Variants in DENND3 observed in about 807,000 individuals in gnomAD.
The protein encoded by DENND3 is DENN domain-containing protein 3.
In DENND3, 88 loss-of-function variants were observed where a neutral mutation model predicts 135.1. The ratio of observed to expected loss-of-function variants is 0.65; its 90% CI spans 0.55 to 0.78. The LOEUF (loss-of-function observed/expected upper bound fraction) is 0.78. Among genes scored for constraint, DENND3 ranks in the 30% least tolerant of loss-of-function variants. The pLI, the probability that DENND3 is intolerant of heterozygous loss-of-function variation, is 0.00. For missense variants in DENND3, 1,392 were observed against 1,688.4 expected (o/e 0.82, Z 3.08); for synonymous variants, 693 against 712.3 (o/e 0.97, Z 0.43).
At chr8:141,192,217 G>A (rs535093551) in intron 20 of DENND3, 114 bp from the exon 21 acceptor site, 77 of 1,445,294 alleles carry the variant, frequency 5.3e-5, no homozygotes, top group Non-Finnish European at 6.6e-5. Context: ...CAGGTGGCAC[G>A]TGGTGATCCC....
At position 141,154,726 on chromosome 8, in the gene DENND3, G is replaced by T. The variant is rs539317456; in HGVS notation, c.1075-1123G>T. On this transcript the variant is annotated intron_variant, in intron 7 of 22. Transcript: ENST00000519811. This position sits in a 1 kb window ranked among gnomAD's most constrained non-coding sequence, Gnocchi z 4.4. ...TGCAGGCACACGCCACCATGCCTGG[G>T]TAATTTTTGTATTTTTAGTAGAGAC... Among the ~76,000 whole-genome samples, 79 of 151,928 alleles carry T rather than the reference G, an allele frequency of 5.2e-4. No homozygotes were observed. The highest frequency in any genetic ancestry group is 1.7e-3 in the African/African-American group (72 of 41,424).
At chr8:141,190,240 A>T (rs1267349720) in intron 19 of DENND3, 44 bp from the exon 20 acceptor site, 2 of 1,510,392 alleles carry the variant, frequency 1.3e-6, no homozygotes, top group Non-Finnish European at 1.8e-6. Flanking sequence ...CAGTGTTTTC[A>T]GGGGCCCAAG....
intron 10 of DENND3, among the ~76,000 whole-genome samples, chr8:141,164,762 G>A (rs1720539458): frequency 6.6e-6 from 1 of 152,204 alleles, no homozygotes; most frequent in Admixed American, 6.5e-5. Context: ...CAGCCTCTGT[G>A]AGCTCCCTCC....
At chr8:141,173,095 G>A (rs1022880570) in intron 13 of DENND3, among the ~76,000 whole-genome samples, 2 of 146,984 alleles carry the variant, frequency 1.4e-5, no homozygotes, top group African/African-American at 5.0e-5. Context: ...GGGAGACTCT[G>A]GCAAACAATC....
rs1172740702 is a variant in DENND3, at chr8:141,163,503, A to C, written c.1449+74A>C. The C allele has an allele frequency of 5.6e-6, 6 of 1,061,954 alleles. No individual in the cohort carries two copies. The Admixed American group carries it at 1.3e-4, about 22-fold the overall frequency. 65.8% of individuals were successfully genotyped at this position (1,061,954 alleles called of 1,614,324 possible). On this transcript the variant is annotated intron_variant, in intron 10 of 22. Coordinates refer to ENST00000519811, the MANE Select transcript of DENND3 (RefSeq NM_001352890.3). ...CCTTTTCTGTATTTAAATACTTTTC[A>C]AAATAAGTGTTCTCAAGTGTATCAA...
intron 8 of DENND3, chr8:141,157,371 C>T (rs536686905): frequency 2.5e-5 from 25 of 985,318 alleles, no homozygotes; most frequent in African/African-American, 1.0e-4. Context: ...GGTTGCTCTG[C>T]GGAGCTCATT....
intron 5 of DENND3, among the ~76,000 whole-genome samples, chr8:141,148,549 C>A (rs920153828): frequency 6.6e-6 from 1 of 152,100 alleles, no homozygotes; most frequent in African/African-American, 2.4e-5. Flanking sequence ...GTATGTGACA[C>A]CTGTTCTTTC....
In DENND3 at chr8:141,141,782, C is replaced by G. The variant is rs1466543660; in HGVS notation, c.623+458C>G. 2 of 203,794 alleles carry G rather than the reference C, an allele frequency of 9.8e-6. No individual in the cohort carries two copies. Among genetic ancestry groups the G allele is most frequent in the African/African-American group, 2.4e-5 (1 of 42,250 alleles). 12.6% of individuals were successfully genotyped at this position (203,794 alleles called of 1,614,324 possible). On this transcript the variant is annotated intron_variant, in intron 4 of 22. Coordinates refer to ENST00000519811, the MANE Select transcript of DENND3 (RefSeq NM_001352890.3). This position sits in a 1 kb window ranked among gnomAD's most constrained non-coding sequence, Gnocchi z 5.3. ...CCTTGGCTGGGTGTGGTGGCTCACA[C>G]CTGTAATCCCAGCATATTGGGAGAC...
At chr8:141,179,251 T>C (rs1822789022) in intron 16 of DENND3, among the ~76,000 whole-genome samples, 1 of 152,254 alleles carries the variant, frequency 6.6e-6, no homozygotes, top group South Asian at 2.1e-4. Flanking sequence ...CTGAGTGGCT[T>C]GAAGGAGCTT....
intron 13 of DENND3, among the ~76,000 whole-genome samples, chr8:141,172,258 G>GGTGGGCGTGCACGGTGGTGGGCATGCACA: frequency 4.6e-5 from 7 of 152,284 alleles, no homozygotes; most frequent in African/African-American, 1.7e-4. Flanking sequence ...TGTGCACGGT[G>GGTGGGCGTGCACGGTGGTGGGCATGCACA]GTGGGTTTGC....
rs927337203 is a variant in DENND3, at chr8:141,139,217, C to T, written c.501+1080C>T. Among the ~76,000 whole-genome samples the T allele has an allele frequency of 6.6e-6, 1 of 152,028 alleles. No homozygotes were observed. Among genetic ancestry groups the T allele is most frequent in the Non-Finnish European group, 1.5e-5 (1 of 68,008 alleles). On this transcript the variant is annotated intron_variant, in intron 3 of 22. Coordinates refer to ENST00000519811, the MANE Select transcript of DENND3 (RefSeq NM_001352890.3). The surrounding 1 kb of genome is among the most constrained non-coding windows in gnomAD (Gnocchi z 4.2). ...GGCTGGCCTGGATTCCCTCGGAGCC[C>T]GGGACACGTGTTTTTGTTGGTAGAA...
intron 1 of DENND3, among the ~76,000 whole-genome samples, chr8:141,131,893 C>G (rs1589517695): frequency 6.7e-6 from 1 of 149,482 alleles, no homozygotes; most frequent in East Asian, 2.0e-4. Flanking sequence ...GTGGCGGGGT[C>G]TGGTTGTTCA....
chr8:141,157,706 G>A (rs1819612723), intron 8 of DENND3: 1 of 986,084 alleles, frequency 1.0e-6, no homozygotes, highest in Non-Finnish European at 1.2e-6. Context: ...ACCTTGGTGT[G>A]GATTATTCCT....
rs937982191 is a variant in DENND3 at position 141,187,221 on chromosome 8, G to A, written c.3085-1765G>A. The stretch of plus-strand genomic sequence containing the variant: ...AATGTGAAAAGAACACTCCAGTGGA[G>A]TATATACCTAAGTATATATTAGGCA... On this transcript the variant is annotated intron_variant, in intron 18 of 22. Coordinates refer to ENST00000519811, the MANE Select transcript of DENND3 (RefSeq NM_001352890.3). Among the ~76,000 whole-genome samples the A allele has an allele frequency of 8.6e-5, 13 of 151,360 alleles. No homozygotes were observed. The Middle Eastern group carries it at 0.01, about 119-fold the overall frequency.
intron 5 of DENND3, among the ~76,000 whole-genome samples, chr8:141,145,831 ATATATATATATATATATATGTATT>A (rs1210448173): frequency 7.1e-5 from 5 of 70,084 alleles, no homozygotes; most frequent in African/African-American, 7.0e-4. Context: ...ATATATATAT[ATATATATATATATATATATGTATT>A]TTTTTTTTTT....
Position 141,175,175 on chromosome 8 carries a change from T to C in DENND3, c.2276-25T>C. The C allele has an allele frequency of 6.2e-7, 1 of 1,600,026 alleles. No individual in the cohort carries two copies. Among genetic ancestry groups the C allele is most frequent in the Non-Finnish European group, 8.5e-7 (1 of 1,172,020 alleles). On this transcript the variant is annotated intron_variant, in intron 13 of 22. Coordinates refer to ENST00000519811, the MANE Select transcript of DENND3 (RefSeq NM_001352890.3). This position sits in a 1 kb window ranked among gnomAD's most constrained non-coding sequence, Gnocchi z 5.4. ...CCGAGGTATGTGGCTGTAAGATACC[T>C]CTCTTTTCTTCTTATCAAACTAAGG...
At chr8:141,133,367 C>G (rs1219867548) in intron 1 of DENND3, among the ~76,000 whole-genome samples, 1 of 152,110 alleles carries the variant, frequency 6.6e-6, no homozygotes, top group Admixed American at 6.5e-5. Context: ...CATGATGTGG[C>G]GAAACAAACA....
intron 13 of DENND3, among the ~76,000 whole-genome samples, chr8:141,169,761 C>T (rs750496505): frequency 2.6e-5 from 4 of 152,168 alleles, no homozygotes; most frequent in East Asian, 1.9e-4. Context: ...ATTGTCACAC[C>T]GTATGTCTGA....
chr8:141,189,799 TGGCGCAG>T (rs890323097), intron 19 of DENND3, among the ~76,000 whole-genome samples: 5 of 152,012 alleles, frequency 3.3e-5, no homozygotes, highest in African/African-American at 1.2e-4. Flanking sequence ...GGTTCAGGGG[TGGCGCAG>T]GGTGCAGGCT....
Sources: gnomAD v4.1 joint callset for allele counts (sites outside exome capture counted in the v4.1 genomes callset) on GRCh38, gnomAD v4.1.1 for gene constraint, Gnocchi (gnomAD v3.1) non-coding constraint, MANE v1.5 for transcripts, NCBI Gene and HGNC (gene_info 2026-07-23, HGNC 2026-07-21) for gene names.